Variants in NXPH2 observed in about 807,000 individuals in gnomAD.
The protein encoded by NXPH2 is neurexophilin 2.
In NXPH2, 5 loss-of-function variants were observed where a neutral mutation model predicts 19.8. That is an observed-to-expected ratio of 0.25 (90% confidence interval 0.13 to 0.53). The LOEUF is 0.53. Ranked by LOEUF, NXPH2 falls within the 20% of genes least tolerant of loss-of-function variation. The pLI, the probability that NXPH2 is intolerant of heterozygous loss-of-function variation, is 0.96. For synonymous variants in NXPH2, 154 were observed against 127.4 expected (o/e 1.21, Z -1.41); for missense variants, 289 against 322.8 (o/e 0.90, Z 0.80).
intron 1 of NXPH2, among the ~76,000 whole-genome samples, chr2:138,706,229 G>A (rs1250237296): frequency 1.3e-5 from 2 of 152,218 alleles, no homozygotes; most frequent in Admixed American, 1.3e-4. Flanking sequence ...CTGAGAGGCA[G>A]GTATTATTCT....
At chr2:138,706,020 G>A (rs1230467903) in intron 1 of NXPH2, among the ~76,000 whole-genome samples, 3 of 152,214 alleles carry the variant, frequency 2.0e-5, no homozygotes, top group Non-Finnish European at 4.4e-5. Flanking sequence ...TACAATGTGA[G>A]AAGGATGCAA....
intron 1 of NXPH2, among the ~76,000 whole-genome samples, chr2:138,737,223 T>C (rs1026836585): frequency 6.6e-6 from 1 of 152,154 alleles, no homozygotes; most frequent in African/African-American, 2.4e-5. Context: ...GATAAAGACA[T>C]ATCCAAGACT....
At chr2:138,692,042 T>C (rs760363376) in intron 1 of NXPH2, among the ~76,000 whole-genome samples, 2 of 152,204 alleles carry the variant, frequency 1.3e-5, no homozygotes, top group East Asian at 1.9e-4. Context: ...GTAGCTACAA[T>C]GTACAGGTGC....
chr2:138,694,038 C>T (rs533131998), intron 1 of NXPH2, among the ~76,000 whole-genome samples: 1 of 152,188 alleles, frequency 6.6e-6, no homozygotes, highest in Non-Finnish European at 1.5e-5. Flanking sequence ...CTCAGCCAAT[C>T]AAGAGCAGCC....
chr2:138,716,798 C>T (rs946957121), intron 1 of NXPH2, among the ~76,000 whole-genome samples: 14 of 152,118 alleles, frequency 9.2e-5, no homozygotes, highest in Non-Finnish European at 1.9e-4. Flanking sequence ...GGTTCTAGTT[C>T]CCACCCTGGA....
At chr2:138,702,266 A>G (rs1348353227) in intron 1 of NXPH2, among the ~76,000 whole-genome samples, 1 of 152,082 alleles carries the variant, frequency 6.6e-6, no homozygotes, top group Non-Finnish European at 1.5e-5. Flanking sequence ...ACAGGCACAC[A>G]GCACCATCCC....
chr2:138,741,877 A>C (rs1489548018), intron 1 of NXPH2, among the ~76,000 whole-genome samples: 3 of 152,208 alleles, frequency 2.0e-5, no homozygotes, highest in Non-Finnish European at 4.4e-5. Flanking sequence ...CTTGTATTGC[A>C]TTCATTTGGG....
chr2:138,677,019 GT>G (rs1331786058), intron 1 of NXPH2, among the ~76,000 whole-genome samples: 1 of 152,206 alleles, frequency 6.6e-6, no homozygotes, highest in Non-Finnish European at 1.5e-5. Flanking sequence ...AGAATATAAA[GT>G]GTCTGGCAGG....
At chr2:138,757,756 T>C (rs1270248112) in intron 1 of NXPH2, among the ~76,000 whole-genome samples, 1 of 151,322 alleles carries the variant, frequency 6.6e-6, no homozygotes, top group African/African-American at 2.4e-5. Context: ...CTCTCTTATA[T>C]ATGTGTGTGT....
chr2:138,751,745 G>A (rs1371601191), intron 1 of NXPH2, among the ~76,000 whole-genome samples: 1 of 152,096 alleles, frequency 6.6e-6, no homozygotes, highest in Non-Finnish European at 1.5e-5. Flanking sequence ...TATGGTTAAA[G>A]TATTTATTTA....
At chr2:138,733,943 G>A (rs545350969) in intron 1 of NXPH2, among the ~76,000 whole-genome samples, 2 of 152,248 alleles carry the variant, frequency 1.3e-5, no homozygotes, top group Admixed American at 1.3e-4. Flanking sequence ...TTGAAGAAAC[G>A]TCAAGCAAAA....
chr2:138,675,465 CTT>C (rs1377104109), intron 1 of NXPH2, among the ~76,000 whole-genome samples: 4 of 152,072 alleles, frequency 2.6e-5, no homozygotes, highest in African/African-American at 9.7e-5. Flanking sequence ...AGATCCTTCT[CTT>C]ATCACTAGTA....
chr2:138,691,465 ATGATTCTGATAGTTTTCC>A (rs1680745915), intron 1 of NXPH2, among the ~76,000 whole-genome samples: 1 of 152,142 alleles, frequency 6.6e-6, no homozygotes, highest in African/African-American at 2.4e-5. Context: ...GCATGTGTGA[ATGATTCTGATAGTTTTCC>A]TGAGTCTGTC....
chr2:138,766,726 A>G (rs1682098828), intron 1 of NXPH2, among the ~76,000 whole-genome samples: 1 of 152,212 alleles, frequency 6.6e-6, no homozygotes, highest in Non-Finnish European at 1.5e-5. Flanking sequence ...TTTACGGAGT[A>G]ATAAACATTT....
intron 1 of NXPH2, among the ~76,000 whole-genome samples, chr2:138,759,103 G>T (rs1321258717): frequency 2.0e-5 from 3 of 152,210 alleles, no homozygotes; most frequent in East Asian, 3.9e-4. Context: ...GACATTAAAA[G>T]AAATTTCTTT....
At chr2:138,754,307 A>C (rs1258622703) in intron 1 of NXPH2, among the ~76,000 whole-genome samples, 3 of 152,174 alleles carry the variant, frequency 2.0e-5, no homozygotes, top group Non-Finnish European at 2.9e-5. Flanking sequence ...TAGTTTCACC[A>C]GACTAAAATA....
intron 1 of NXPH2, among the ~76,000 whole-genome samples, chr2:138,772,025 C>T (rs1205915355): frequency 6.6e-6 from 1 of 152,156 alleles, no homozygotes; most frequent in Non-Finnish European, 1.5e-5. Flanking sequence ...AGTCTGGGCA[C>T]CTACTAGACA....
intron 1 of NXPH2, among the ~76,000 whole-genome samples, chr2:138,779,340 G>C (rs919457479): frequency 6.6e-6 from 1 of 152,142 alleles, no homozygotes; most frequent in Admixed American, 6.5e-5. Context: ...ATCTTACTTT[G>C]GTTTTCCCTC....
chr2:138,701,484 A>G (rs187901243), intron 1 of NXPH2, among the ~76,000 whole-genome samples: 20 of 152,256 alleles, frequency 1.3e-4, no homozygotes, highest in Admixed American at 1.2e-3. Context: ...TTGAGCACCA[A>G]CTACACACAA....
Sources: allele counts gnomAD v4.1 joint callset (sites outside exome capture counted in the v4.1 genomes callset), GRCh38; gene constraint gnomAD v4.1.1; transcripts MANE v1.5; gene names NCBI Gene and HGNC (gene_info 2026-07-23, HGNC 2026-07-21).